The following SOCS7 variants were observed in gnomAD, a reference collection of about 807,000 sequenced individuals.
SOCS7 encodes the protein suppressor of cytokine signaling 7.
In SOCS7, 18 loss-of-function variants were observed where a neutral mutation model predicts 58.9. The observed-to-expected ratio is 0.31, with a 90% confidence interval of 0.21 to 0.45. SOCS7 has a LOEUF of 0.45. SOCS7 is among the 20% of genes least tolerant of loss of function. The probability of loss-of-function intolerance (pLI) is 1.00; values close to 1 mark genes in which losing one functional copy is unlikely to be tolerated. For missense variants in SOCS7, 667 were observed against 837.3 expected, an observed-to-expected ratio of 0.80 and a Z score of 2.51; for synonymous variants, 388 against 364.3, an observed-to-expected ratio of 1.06 and a Z score of -0.74.
chr17:38,368,719 C>G (rs1006570680), intron 6 of SOCS7, among the ~76,000 whole-genome samples: 3 of 152,112 alleles, frequency 2.0e-5, no homozygotes, highest in African/African-American at 7.2e-5. Flanking sequence ...CCAGGCTGGT[C>G]TCAAACTCCT....
chr17:38,384,428 G>T (rs989996803), intron 7 of SOCS7, among the ~76,000 whole-genome samples: 2 of 152,026 alleles, frequency 1.3e-5, no homozygotes, highest in African/African-American at 4.8e-5. Flanking sequence ...AAGTAGCTAG[G>T]ACTACAGGCA....
chr17:38,376,809 A>T (rs189949751), intron 6 of SOCS7, among the ~76,000 whole-genome samples: 2 of 152,310 alleles, frequency 1.3e-5, no homozygotes, highest in East Asian at 3.9e-4. Flanking sequence ...GTACACAGTC[A>T]TACACTGTTT....
intron 1 of SOCS7, among the ~76,000 whole-genome samples, chr17:38,353,896 A>T (rs2037596818): frequency 6.6e-6 from 1 of 152,218 alleles, no homozygotes; most frequent in Non-Finnish European, 1.5e-5. Flanking sequence ...ACTGCACTCC[A>T]GCTTGCGTGA....
At position 38,352,367 on chromosome 17, in the gene SOCS7, G is replaced by C. The variant is rs1373609229; in HGVS notation, c.315G>C (p.Pro105=). 11 of 1,443,030 alleles carry C rather than the reference G, an allele frequency of 7.6e-6. No individual in the cohort carries two copies. Among genetic ancestry groups the C allele is most frequent in the African/African-American group, 1.5e-5 (1 of 66,320 alleles). The allele number at this position is 1,443,030 out of a possible 1,614,324, so 89.4% of individuals were successfully genotyped here. ...GTGCCCTGGACCCCAAGGCCCTGCC[G>C]CCGGGCTTGGCGCTCGAGCGGACCT... is the stretch of plus-strand genomic sequence containing the variant. ...HRCALDPKAL[P]PGLALERTWG... Residue 105 remains proline, a synonymous_variant, in exon 1 of 10, where the codon CCG becomes CCC. Transcript: ENST00000612932. This position sits in a 1 kb window ranked among gnomAD's most constrained non-coding sequence, Gnocchi z 5.5.
At chr17:38,395,738 G>A (rs2038236522) in intron 8 of SOCS7, 110 bp from the exon 9 acceptor site, 2 of 1,106,820 alleles carry the variant, frequency 1.8e-6, no homozygotes, top group South Asian at 1.3e-5. Context: ...AATGGGGATT[G>A]TGTTAGGTCT....
rs1379616714 is a variant in SOCS7, at chr17:38,377,707, A to G, written c.1553-7A>G. On this transcript the variant is annotated splice_polypyrimidine_tract_variant and splice_region_variant and intron_variant, in intron 6 of 9. Transcript: ENST00000612932. The stretch of plus-strand genomic sequence containing the variant: ...TAAAATTTTTACTTCTTAATTTTCC[A>G]TGGCAGGAACCTTCAGCCTGTGGTG... 3.8e-6 allele frequency: 6 copies of G among 1,595,490 alleles called. No individual in the cohort carries two copies. Among genetic ancestry groups the G allele is most frequent in the South Asian group, 2.3e-5 (2 of 86,182 alleles).
intron 6 of SOCS7, among the ~76,000 whole-genome samples, chr17:38,370,330 C>T (rs1182371753): frequency 1.3e-5 from 2 of 152,054 alleles, no homozygotes; most frequent in African/African-American, 4.8e-5. Context: ...GACTTTGCTT[C>T]CTTGAATAAG....
rs147340427 is a variant in SOCS7 at position 38,358,073 on chromosome 17, C to T, written c.981-3638C>T. Among the ~76,000 whole-genome samples, 149 of 152,282 alleles carry T rather than the reference C, an allele frequency of 9.8e-4. 1 individual carries two copies. Among genetic ancestry groups the T allele is most frequent in the African/African-American group, 3.5e-3 (144 of 41,548 alleles). ...TTAGCTGACACAAAGGACTGCTGGCCTCAAAGACCTTTGCCTAAGGCCTGC... is the reference window on the plus strand; with the variant it reads ...TTAGCTGACACAAAGGACTGCTGGCTTCAAAGACCTTTGCCTAAGGCCTGC... On this transcript the variant is annotated intron_variant, in intron 1 of 9. Coordinates refer to ENST00000612932, the MANE Select transcript of SOCS7 (RefSeq NM_014598.4).
chr17:38,355,097 G>A (rs1371364924), intron 1 of SOCS7, among the ~76,000 whole-genome samples: 17 of 152,184 alleles, frequency 1.1e-4, no homozygotes, highest in Admixed American at 1.1e-3. Flanking sequence ...AGAAGAGCTA[G>A]TTATTTGTGT....
In SOCS7 at chr17:38,403,821, G is replaced by A. The variant is rs537378799; in HGVS notation, c.*4339G>A. ...GTGGGAAAGGAGGGAATGGATAAGT[G>A]ATTTTTATCTCTAATCGTCAACACA... On this transcript the variant is annotated 3_prime_UTR_variant, in exon 10 of 10. Coordinates refer to ENST00000612932, the MANE Select transcript of SOCS7 (RefSeq NM_014598.4). The A allele has an allele frequency of 6.6e-6, 1 of 152,240 alleles. No individual in the cohort carries two copies. The highest frequency in any genetic ancestry group is 1.9e-4 in the East Asian group (1 of 5,182). 9.4% of individuals were successfully genotyped at this position (152,240 alleles called of 1,614,324 possible). A position where few individuals can be genotyped will look rare whatever the true frequency, so the allele number is the denominator to read the frequency against.
chr17:38,354,684 C>T (rs1172460174), intron 1 of SOCS7, among the ~76,000 whole-genome samples: 3 of 152,104 alleles, frequency 2.0e-5, no homozygotes, highest in African/African-American at 7.2e-5. Context: ...CTCCACTTAC[C>T]AGCACAGATG....
intron 7 of SOCS7, among the ~76,000 whole-genome samples, chr17:38,382,112 G>A (rs761815262): frequency 2.0e-5 from 3 of 151,502 alleles, no homozygotes; most frequent in South Asian, 2.1e-4. Flanking sequence ...TGTAAAGTTC[G>A]TGAAGAAAAA....
chr17:38,360,478 A>G (rs964710360), intron 1 of SOCS7, among the ~76,000 whole-genome samples: 1 of 151,740 alleles, frequency 6.6e-6, no homozygotes, highest in African/African-American at 2.4e-5. Context: ...GGAGTGAGCC[A>G]CTGTGCCCAG....
intron 7 of SOCS7, among the ~76,000 whole-genome samples, chr17:38,381,959 A>C (rs1175515207): frequency 6.7e-6 from 1 of 149,220 alleles, no homozygotes; most frequent in East Asian, 1.9e-4. Flanking sequence ...AAAAAAAAAA[A>C]AAAAAAAAAA....
At chr17:38,365,521 T>C in intron 4 of SOCS7, 112 bp downstream of exon 4, 1 of 654,182 alleles carries the variant, frequency 1.5e-6, no homozygotes, top group Non-Finnish European at 2.4e-6. Flanking sequence ...TAGTAGAAAG[T>C]TTAAATCTTT....
chr17:38,356,693 A>C (rs978707226), intron 1 of SOCS7, among the ~76,000 whole-genome samples: 8 of 152,080 alleles, frequency 5.3e-5, no homozygotes, highest in Admixed American at 1.3e-4. Context: ...AGAAAGAAAG[A>C]AAGAAAGAAA....
chr17:38,390,787 C>T (rs1379871402), intron 7 of SOCS7, among the ~76,000 whole-genome samples: 4 of 151,104 alleles, frequency 2.6e-5, no homozygotes, highest in Non-Finnish European at 5.9e-5. Flanking sequence ...ACCTCCACCT[C>T]CCTGGCCCAG....
rs1196068055 is a variant in SOCS7, at chr17:38,405,210, A to C, written c.*5728A>C. ...TAAAATAGACTTGCAGGCCAATCTTAAATGGGGTGGGAGGGGTCTGAGGGT... is the reference window on the plus strand; with the variant it reads ...TAAAATAGACTTGCAGGCCAATCTTCAATGGGGTGGGAGGGGTCTGAGGGT... On this transcript the variant is annotated 3_prime_UTR_variant, in exon 10 of 10. Coordinates refer to ENST00000612932, the MANE Select transcript of SOCS7 (RefSeq NM_014598.4). The C allele has an allele frequency of 1.3e-5, 2 of 152,176 alleles. No individual in the cohort carries two copies. The highest frequency in any genetic ancestry group is 3.8e-4 in the East Asian group (2 of 5,200). 9.4% of individuals were successfully genotyped at this position (152,176 alleles called of 1,614,324 possible).
rs550021726 is a variant in SOCS7, at chr17:38,375,678, G to A, written c.1553-2036G>A. ...TTATTTTGGTGGGGTTGAGGAGGAT[G>A]TTGGGCCATTGGGATAGGGTTCATG... is the stretch of plus-strand genomic sequence containing the variant. On this transcript the variant is annotated intron_variant, in intron 6 of 9. Coordinates refer to ENST00000612932, the MANE Select transcript of SOCS7 (RefSeq NM_014598.4). 5.7e-4 allele frequency among the ~76,000 whole-genome samples: 87 copies of A among 152,210 alleles called. 2 individuals carry two copies. Among genetic ancestry groups the A allele is most frequent in the Middle Eastern group, 6.8e-3 (2 of 294 alleles).
Sources: gnomAD v4.1 joint callset for allele counts (sites outside exome capture counted in the v4.1 genomes callset) on GRCh38, gnomAD v4.1.1 for gene constraint, Gnocchi (gnomAD v3.1) non-coding constraint, MANE v1.5 for transcripts, NCBI Gene and HGNC (gene_info 2026-07-23, HGNC 2026-07-21) for gene names.